TRIM21: variants seen among roughly 807,000 people sequenced by gnomAD.
The protein encoded by TRIM21 is E3 ubiquitin-protein ligase TRIM21.
In TRIM21, 35 loss-of-function variants were observed where a neutral mutation model predicts 36.1. The observed-to-expected ratio is 0.97, with a 90% CI of 0.74 to 1.28. The LOEUF is 1.28. Ranked by LOEUF, TRIM21 falls within the 50% of genes most tolerant of loss-of-function variation. The probability of loss-of-function intolerance (pLI) is 0.00; values close to 1 mark genes in which losing one functional copy is unlikely to be tolerated. For missense variants in TRIM21, 635 were observed against 570.7 expected, an observed-to-expected ratio of 1.11 and a Z score of -1.15; for synonymous variants, 256 against 211.5, an observed-to-expected ratio of 1.21 and a Z score of -1.83.
chr11:4,389,243 C>A (rs1203080624), intron 3 of TRIM21, among the ~76,000 whole-genome samples: 1 of 152,184 alleles, frequency 6.6e-6, no homozygotes, highest in African/African-American at 2.4e-5. Flanking sequence ...ACCACCTGGT[C>A]AGATGGTTTC....
At chr11:4,387,325 A>T (rs1184985049) in intron 4 of TRIM21, among the ~76,000 whole-genome samples, 1 of 151,770 alleles carries the variant, frequency 6.6e-6, no homozygotes, top group East Asian at 1.9e-4. Flanking sequence ...GCTTAAGCCC[A>T]GAAACAATCA....
chr11:4,387,119 C>T (rs1305673910), intron 4 of TRIM21, 129 bp from the exon 5 acceptor site: 30 of 906,636 alleles, frequency 3.3e-5, no homozygotes, highest in Admixed American at 4.9e-5. Flanking sequence ...GGTCCTAGGC[C>T]CCAGAGATGA....
chr11:4,390,242 C>T lies in TRIM21; in HGVS notation c.168G>A (p.Gln56=), dbSNP rs569051542. 1.5e-5 allele frequency: 25 copies of T among 1,614,012 alleles called. No individual in the cohort carries two copies. Among genetic ancestry groups the T allele is most frequent in the Non-Finnish European group, 1.9e-5 (23 of 1,179,900 alleles). ...GCCGGAGATTCTTGAGCAGAAAGCG[C>T]TGCCGGCACACAGGACAGACGCTGC... is the stretch of plus-strand genomic sequence containing the variant. ...GGGSVCPVCR[Q]RFLLKNLRPN... The change falls in exon 2 of 7, where the codon CAG becomes CAA. Residue 56 remains glutamine (Q), a synonymous_variant. Transcript: ENST00000254436.
In TRIM21 at chr11:4,385,201, T is replaced by A. The variant is rs946202876; in HGVS notation, c.*84A>T. ...GATGCCTCTGCAGAGACAAAGGTGGTTCAGAGTTCATGGGGAAAAGAGGCA... is the reference window on the plus strand; with the variant it reads ...GATGCCTCTGCAGAGACAAAGGTGGATCAGAGTTCATGGGGAAAAGAGGCA... On this transcript the variant is annotated 3_prime_UTR_variant, in exon 7 of 7. Transcript: ENST00000254436. 6.6e-5 allele frequency: 90 copies of A among 1,365,702 alleles called. No homozygotes were observed. Among genetic ancestry groups the A allele is most frequent in the Middle Eastern group, 5.4e-4 (2 of 3,722 alleles). 84.6% of individuals were successfully genotyped at this position (1,365,702 alleles called of 1,614,324 possible).
At position 4,385,279 on chromosome 11, in the gene TRIM21, A is replaced by C; in HGVS notation, c.*6T>G. ...TGGGGAGAGTGGCAGTGTCCAGAGAAAGCCATCAATAGTCAGTGGATCCTT... is the reference window on the plus strand; with the variant it reads ...TGGGGAGAGTGGCAGTGTCCAGAGACAGCCATCAATAGTCAGTGGATCCTT... On this transcript the variant is annotated 3_prime_UTR_variant, in exon 7 of 7. Transcript: ENST00000254436. 1 of 1,606,566 alleles carries C rather than the reference A, an allele frequency of 6.2e-7. No homozygotes were observed. Among genetic ancestry groups the C allele is most frequent in the South Asian group, 1.1e-5 (1 of 90,100 alleles).
At chr11:4,387,265 T>TTA (rs1554891703) in intron 4 of TRIM21, among the ~76,000 whole-genome samples, 1 of 149,816 alleles carries the variant, frequency 6.7e-6, no homozygotes, top group South Asian at 2.1e-4. Flanking sequence ...TTTTTTTTTT[T>TTA]CCCCAGGGGA....
chr11:4,385,540 G>T lies in TRIM21; in HGVS notation c.1173C>A (p.Gly391=), dbSNP rs376293168. 1.6e-5 allele frequency: 25 copies of T among 1,611,680 alleles called. No individual in the cohort carries two copies. In the African/African-American group the frequency reaches 2.9e-4, roughly 19 times the overall value. ...GGTGGAGGGGAGTCTGGGGGTAGGT[G>T]CCAGCCTCATATTTTTGTTTGTTCC... ...WLWNKQKYEA[G]TYPQTPLHLQ... The change falls in exon 7 of 7, where the codon GGC becomes GGA. Residue 391 remains glycine, a synonymous_variant. Transcript: ENST00000254436.
At chr11:4,386,093 G>C in intron 6 of TRIM21, 64 bp downstream of exon 6, 2 of 1,514,340 alleles carry the variant, frequency 1.3e-6, no homozygotes, top group Non-Finnish European at 1.8e-6. Context: ...TGCCATCCAG[G>C]CTCCCTGACC....
At chr11:4,385,904 T>G in intron 6 of TRIM21, 51 bp from the exon 7 acceptor site, 1 of 1,451,398 alleles carries the variant, frequency 6.9e-7, no homozygotes, top group Non-Finnish European at 9.4e-7. Context: ...GTTCACTAAG[T>G]CTGTGCCTGT....
chr11:4,388,549 G>A lies in TRIM21; in HGVS notation c.505-19C>T. ...CTGTTTTCTTTAGTGTCAAGGGAAA[G>A]GGAGAGGTGGTTTTTATGAAAATCT... On this transcript the variant is annotated intron_variant, in intron 3 of 6. Transcript: ENST00000254436. 6.3e-7 allele frequency: 1 copy of A among 1,599,502 alleles called. No individual in the cohort carries two copies. The highest frequency in any genetic ancestry group is 8.5e-7 in the Non-Finnish European group (1 of 1,177,394).
chr11:4,393,175 T>G (rs537427311), intron 1 of TRIM21, among the ~76,000 whole-genome samples: 1 of 152,276 alleles, frequency 6.6e-6, no homozygotes, highest in South Asian at 2.1e-4. Flanking sequence ...CCTGCCCCTC[T>G]CACCTCTGGA....
At chr11:4,386,572 A>C (rs952342341) in intron 5 of TRIM21, among the ~76,000 whole-genome samples, 6 of 152,228 alleles carry the variant, frequency 3.9e-5, no homozygotes, top group Non-Finnish European at 5.9e-5. Context: ...TCACTTCTGC[A>C]AGGAACCTCA....
intron 1 of TRIM21, among the ~76,000 whole-genome samples, chr11:4,392,907 T>C (rs562964274): frequency 6.6e-6 from 1 of 152,288 alleles, no homozygotes; most frequent in Non-Finnish European, 1.5e-5. Flanking sequence ...CTTTTTACCA[T>C]GTACCTTCCA....
intron 3 of TRIM21, 70 bp from the exon 4 acceptor site, chr11:4,388,600 G>A (rs2094959232): frequency 1.2e-5 from 17 of 1,472,962 alleles, no homozygotes; most frequent in Non-Finnish European, 1.5e-5. Context: ...TGGAGGTATT[G>A]GTACCTATTC....
chr11:4,390,487 AATAT>A, intron 1 of TRIM21, 29 bp from the exon 2 acceptor site: 4 of 1,439,022 alleles, frequency 2.8e-6, no homozygotes. Context: ...GGGAAAAGAG[AATAT>A]GAGAAAGTCT....
chr11:4,387,265 T>TC (rs1554891704), intron 4 of TRIM21, among the ~76,000 whole-genome samples: 7,230 of 149,848 alleles, frequency 0.048, 201 homozygotes, highest in Non-Finnish European at 0.057. Context: ...TTTTTTTTTT[T>TC]CCCCAGGGGA....
chr11:4,391,169 T>C lies in TRIM21; in HGVS notation c.-49-711A>G, dbSNP rs533190977. On this transcript the variant is annotated intron_variant, in intron 1 of 6. Coordinates refer to ENST00000254436, the MANE Select transcript of TRIM21 (RefSeq NM_003141.4). ...AGAATTGGAGTAAATATTTGTAAAC[T>C]ATCCATCTGACAAGGGATGAATAAC... is the stretch of plus-strand genomic sequence containing the variant. Among the ~76,000 whole-genome samples the C allele has an allele frequency of 1.7e-4, 26 of 152,296 alleles. No individual in the cohort carries two copies. In the South Asian group the frequency reaches 5.2e-3, roughly 30 times the overall value.
Position 4,385,212 on chromosome 11 carries a change from T to C in TRIM21, c.*73A>G, listed in dbSNP as rs752005312. ...AGAGACAAAGGTGGTTCAGAGTTCATGGGGAAAAGAGGCAGGGTTTGTGGC... is the reference window on the plus strand; with the variant it reads ...AGAGACAAAGGTGGTTCAGAGTTCACGGGGAAAAGAGGCAGGGTTTGTGGC... On this transcript the variant is annotated 3_prime_UTR_variant, in exon 7 of 7. Transcript: ENST00000254436. 4.2e-6 allele frequency: 6 copies of C among 1,434,508 alleles called. No homozygotes were observed. The highest frequency in any genetic ancestry group is 4.7e-6 in the Non-Finnish European group (5 of 1,062,856). 88.9% of individuals were successfully genotyped at this position (1,434,508 alleles called of 1,614,324 possible).
intron 5 of TRIM21, 33 bp downstream of exon 5, chr11:4,386,935 G>A (rs1013179502): frequency 3.2e-6 from 5 of 1,572,970 alleles, no homozygotes; most frequent in South Asian, 2.3e-5. Context: ...CTTTCTGCTG[G>A]CCCCTCTTCT....
Sources: gnomAD v4.1 joint callset for allele counts (sites outside exome capture counted in the v4.1 genomes callset) on GRCh38, gnomAD v4.1.1 for gene constraint, MANE v1.5 for transcripts, NCBI Gene and HGNC (gene_info 2026-07-23, HGNC 2026-07-21) for gene names.